RNFT2: variants seen among roughly 807,000 people sequenced by gnomAD.
RNFT2 encodes ring finger protein, transmembrane 2, also known as E3 ubiquitin-protein ligase RNFT2.
RNFT2 carries 36 observed loss-of-function variants against 53.0 expected under a neutral mutation model. The observed-to-expected ratio is 0.68, with a 90% CI of 0.52 to 0.90. The LOEUF (loss-of-function observed/expected upper bound fraction) is 0.90. RNFT2 is among the 40% of genes least tolerant of loss of function. The pLI is 0.00. For synonymous variants in RNFT2, 260 were observed against 253.2 expected (o/e 1.03, Z -0.26); for missense variants, 514 against 585.6 (o/e 0.88, Z 1.26).
At chr12:116,830,581 C>G (rs1386089890) in intron 7 of RNFT2, among the ~76,000 whole-genome samples, 1 of 152,138 alleles carries the variant, frequency 6.6e-6, no homozygotes, top group Admixed American at 6.6e-5. Flanking sequence ...AGCCATTGCA[C>G]CTGGCCTATT....
At chr12:116,795,420 A>G (rs576096732) in intron 7 of RNFT2, among the ~76,000 whole-genome samples, 78 of 152,056 alleles carry the variant, frequency 5.1e-4, no homozygotes, top group African/African-American at 1.8e-3. Flanking sequence ...GAAAAAAAAA[A>G]AAAGAAAGAA....
At chr12:116,754,122 A>G in intron 5 of RNFT2, 62 bp downstream of exon 5, 1 of 1,371,880 alleles carries the variant, frequency 7.3e-7, no homozygotes, top group African/African-American at 1.4e-5. Flanking sequence ...CAAGCCAGGC[A>G]CAGTCTTCCC....
intron 5 of RNFT2, among the ~76,000 whole-genome samples, chr12:116,765,577 G>T (rs1169459333): frequency 6.6e-6 from 1 of 152,114 alleles, no homozygotes; most frequent in Non-Finnish European, 1.5e-5. Context: ...ACAGCAGAGG[G>T]ATCTGCCTAT....
chr12:116,838,398 T>C (rs1394247948), intron 10 of RNFT2, among the ~76,000 whole-genome samples: 1 of 152,226 alleles, frequency 6.6e-6, no homozygotes, highest in East Asian at 1.9e-4. Flanking sequence ...CATGAGCTCT[T>C]GGTAGGATAA....
chr12:116,747,933 G>A (rs1193874225), intron 3 of RNFT2, among the ~76,000 whole-genome samples: 2 of 152,102 alleles, frequency 1.3e-5, no homozygotes, highest in Non-Finnish European at 2.9e-5. Flanking sequence ...GCTCATGCCT[G>A]TAATCCCAGC....
chr12:116,745,290 G>A (rs576218161), intron 3 of RNFT2, among the ~76,000 whole-genome samples: 21 of 150,434 alleles, frequency 1.4e-4, no homozygotes, highest in Admixed American at 2.0e-4. Context: ...TTCTCCTGCC[G>A]CAGCCTCCTG....
chr12:116,814,304 AC>A (rs1875529170), intron 7 of RNFT2, among the ~76,000 whole-genome samples: 1 of 152,166 alleles, frequency 6.6e-6, no homozygotes, highest in Non-Finnish European at 1.5e-5. Flanking sequence ...CTTTCAAGGG[AC>A]TTAGATAAAA....
chr12:116,808,137 T>C (rs1565866469), intron 7 of RNFT2, among the ~76,000 whole-genome samples: 1 of 152,088 alleles, frequency 6.6e-6, no homozygotes, highest in African/African-American at 2.4e-5. Flanking sequence ...CTAATTTTTG[T>C]ATTTGTTGTA....
chr12:116,842,943 G>A (rs1032579969), intron 10 of RNFT2, among the ~76,000 whole-genome samples: 1 of 152,122 alleles, frequency 6.6e-6, no homozygotes, highest in African/African-American at 2.4e-5. Flanking sequence ...TCATCCACCT[G>A]GACCCAGGCC....
intron 3 of RNFT2, among the ~76,000 whole-genome samples, chr12:116,742,041 G>A (rs544641424): frequency 3.3e-5 from 5 of 152,270 alleles, no homozygotes; most frequent in African/African-American, 1.2e-4. Context: ...TGAAAGATGA[G>A]ATTTTTATTT....
At chr12:116,813,933 G>T (rs192512468) in intron 7 of RNFT2, among the ~76,000 whole-genome samples, 15 of 152,272 alleles carry the variant, frequency 9.9e-5, no homozygotes, top group African/African-American at 3.1e-4. Flanking sequence ...TTCATGATGT[G>T]AAGATTAAAC....
chr12:116,853,254 G>A lies in RNFT2; in HGVS notation c.*3806G>A. The A allele has an allele frequency of 2.5e-6, 1 of 398,878 alleles. No homozygotes were observed. The highest frequency in any genetic ancestry group is 4.4e-6 in the Non-Finnish European group (1 of 226,298). 24.7% of individuals were successfully genotyped at this position (398,878 alleles called of 1,614,324 possible). On this transcript the variant is annotated 3_prime_UTR_variant, in exon 11 of 11. Transcript: ENST00000257575. ...ATCTTGGTTCTGCAACTCATTTGTT[G>A]TAAGTAGGGTTAATCGAGTATCAGG...
intron 6 of RNFT2, among the ~76,000 whole-genome samples, chr12:116,767,568 T>G (rs10735096): frequency 0.93 from 141,831 of 151,760 alleles, 66,423 homozygotes; most frequent in Non-Finnish European, 0.96. Context: ...AAAATTATGT[T>G]TTTTTTTTGT....
chr12:116,838,705 C>T (rs1257133329), intron 10 of RNFT2, among the ~76,000 whole-genome samples: 2 of 152,296 alleles, frequency 1.3e-5, no homozygotes, highest in East Asian at 3.9e-4. Context: ...GTAGCAGGGA[C>T]AATTTGAACA....
chr12:116,836,100 GC>G, intron 9 of RNFT2, 75 bp downstream of exon 9: 1 of 1,603,746 alleles, frequency 6.2e-7, no homozygotes, highest in Non-Finnish European at 8.5e-7. Flanking sequence ...CCCTTCCTCA[GC>G]CCACAGATCT....
Position 116,766,814 on chromosome 12 carries a change from GAGA to G in RNFT2, c.632_634del (p.Lys211del). 1 of 1,587,328 alleles carries G rather than the reference GAGA, an allele frequency of 6.3e-7. No individual in the cohort carries two copies. The highest frequency in any genetic ancestry group is 8.6e-7 in the Non-Finnish European group (1 of 1,165,650). ...CACATATCTCTTGCTTTGTCTTCAG[GAGA>G]AGAGGTCAGTGCTGGTCATCTTGTG... is the stretch of plus-strand genomic sequence containing the variant. On this transcript the variant is annotated inframe_deletion and splice_region_variant, in exon 6 of 11. Transcript: ENST00000257575.
At chr12:116,841,958 TAGAGAGAGAGAGAG>T (rs71099003) in intron 10 of RNFT2, among the ~76,000 whole-genome samples, 2 of 6,386 alleles carry the variant, frequency 3.1e-4, no homozygotes, top group Non-Finnish European at 6.1e-4. Context: ...AATATATATA[TAGAGAGAGAGAGAG>T]AGAGAGAGAG....
At chr12:116,806,747 A>AG (rs1875103062) in intron 7 of RNFT2, among the ~76,000 whole-genome samples, 1 of 139,290 alleles carries the variant, frequency 7.2e-6, no homozygotes, top group African/African-American at 2.9e-5. Context: ...CCCTCTCTCA[A>AG]AAAAAAAAAA....
chr12:116,836,357 C>A, intron 10 of RNFT2, 75 bp downstream of exon 10: 1 of 1,271,174 alleles, frequency 7.9e-7, no homozygotes, highest in Non-Finnish European at 1.1e-6. Context: ...GGGCAGTCCT[C>A]GGGTCTCTGG....
Sources: allele counts gnomAD v4.1 joint callset (sites outside exome capture counted in the v4.1 genomes callset), GRCh38; gene constraint gnomAD v4.1.1; transcripts MANE v1.5; gene names NCBI Gene and HGNC (gene_info 2026-07-23, HGNC 2026-07-21).